Variants in ACTR3C observed in about 807,000 individuals in gnomAD.
The protein encoded by ACTR3C is actin related protein 3C.
Under a neutral mutation model 26.3 loss-of-function variants are expected in ACTR3C, and 18 were observed. That is an observed-to-expected ratio of 0.68 (90% confidence interval 0.47 to 1.01). The LOEUF is 1.01. Among genes scored for constraint, ACTR3C ranks in the 50% least tolerant of loss-of-function variants. ACTR3C has a pLI of 0.00. For synonymous variants in ACTR3C, 55 were observed against 94.5 expected (o/e 0.58, Z 2.42); for missense variants, 184 against 250.7 (o/e 0.73, Z 1.80).
At chr7:150,186,466 A>T in the ACTR3C span, among the ~76,000 whole-genome samples, 6 of 152,168 alleles carry the variant, frequency 3.9e-5, no homozygotes, top group African/African-American at 2.4e-5. Flanking sequence ...TTATAATCCA[A>T]ATGGGAACTT....
chr7:150,199,974 C>T, the ACTR3C span, among the ~76,000 whole-genome samples: 6 of 152,062 alleles, frequency 3.9e-5, no homozygotes, highest in Admixed American at 3.3e-4. Flanking sequence ...ACAAAACCAG[C>T]AAAAACTCAT....
chr7:150,286,265 A>T, intron 5 of ACTR3C, 102 bp downstream of exon 5: 1 of 1,384,042 alleles, frequency 7.2e-7, no homozygotes, highest in Non-Finnish European at 9.8e-7. Flanking sequence ...AATGACGGCC[A>T]CCCTGCTCAC....
chr7:150,072,281 G>A, the ACTR3C span, among the ~76,000 whole-genome samples: 2 of 128,762 alleles, frequency 1.6e-5, no homozygotes, highest in African/African-American at 2.8e-5. Flanking sequence ...GGGATCCCAC[G>A]GAGCAGGCCA....
chr7:149,954,667 T>G, the ACTR3C span, among the ~76,000 whole-genome samples: 1 of 152,280 alleles, frequency 6.6e-6, no homozygotes, highest in Non-Finnish European at 1.5e-5. Flanking sequence ...TTCTCGCATT[T>G]AAATTAAAAT....
At chr7:150,114,972 G>T in the ACTR3C span, among the ~76,000 whole-genome samples, 3 of 151,944 alleles carry the variant, frequency 2.0e-5, no homozygotes, top group Admixed American at 2.0e-4. Context: ...TTAGATTTTT[G>T]TTCCAGAATG....
At chr7:150,291,525 T>C (rs1270618364) in intron 3 of ACTR3C, among the ~76,000 whole-genome samples, 1 of 152,204 alleles carries the variant, frequency 6.6e-6, no homozygotes, top group Admixed American at 6.5e-5. Flanking sequence ...TTCAAATTTG[T>C]CTATTTTATC....
At chr7:150,227,688 G>GTTGTTTTT in the ACTR3C span, among the ~76,000 whole-genome samples, 1 of 111,388 alleles carries the variant, frequency 9.0e-6, no homozygotes, top group African/African-American at 3.8e-5. Flanking sequence ...TTGTGTCTGG[G>GTTGTTTTT]TTTTTTTTTT....
At chr7:150,072,789 A>G in the ACTR3C span, among the ~76,000 whole-genome samples, 5 of 152,194 alleles carry the variant, frequency 3.3e-5, no homozygotes, top group Admixed American at 2.0e-4. Flanking sequence ...TCAGTATGAT[A>G]GGTGCAGACA....
the ACTR3C span, among the ~76,000 whole-genome samples, chr7:150,119,784 C>A: frequency 2.0e-5 from 3 of 152,178 alleles, no homozygotes; most frequent in African/African-American, 7.2e-5. Flanking sequence ...AATATACATT[C>A]TTCTCAGCAC....
chr7:150,316,315 G>T (rs1226328812), intron 1 of ACTR3C, among the ~76,000 whole-genome samples: 2 of 152,190 alleles, frequency 1.3e-5, no homozygotes, highest in Non-Finnish European at 2.9e-5. Context: ...CATTAATCTG[G>T]CTGTCAATAC....
At chr7:150,193,956 T>A in the ACTR3C span, among the ~76,000 whole-genome samples, 62,781 of 143,948 alleles carry the variant, frequency 0.44, 13,483 homozygotes, top group African/African-American at 0.51. Context: ...TTTAAAAAAA[T>A]ATATATATAT....
chr7:150,215,036 T>C, the ACTR3C span, among the ~76,000 whole-genome samples: 1 of 150,126 alleles, frequency 6.7e-6, no homozygotes, highest in Admixed American at 6.6e-5. Flanking sequence ...TGCATTTCTA[T>C]TGAATCAAAA....
chr7:150,002,807 C>T, the ACTR3C span: 1 of 152,228 alleles, frequency 6.6e-6, no homozygotes, highest in African/African-American at 2.4e-5. Flanking sequence ...CAGAAAACCT[C>T]ATTCTTCTAT....
chr7:149,956,737 GC>G, the ACTR3C span, among the ~76,000 whole-genome samples: 1 of 151,728 alleles, frequency 6.6e-6, no homozygotes, highest in Non-Finnish European at 1.5e-5. Flanking sequence ...TTTGGAGTGA[GC>G]TCCTTGAGTG....
the ACTR3C span, among the ~76,000 whole-genome samples, chr7:150,204,153 A>G: frequency 2.3e-4 from 34 of 149,196 alleles, no homozygotes; most frequent in Non-Finnish European, 2.5e-4. Flanking sequence ...TCACAGAGCC[A>G]TTCGGTGTCA....
At chr7:150,256,411 T>C (rs541003707) in intron 6 of ACTR3C, among the ~76,000 whole-genome samples, 1 of 152,264 alleles carries the variant, frequency 6.6e-6, no homozygotes. Context: ...GCATTCCCTT[T>C]CTCTGCAACC....
At chr7:150,314,695 T>C (rs1796663849) in intron 1 of ACTR3C, among the ~76,000 whole-genome samples, 1 of 149,936 alleles carries the variant, frequency 6.7e-6, no homozygotes, top group African/African-American at 2.5e-5. Flanking sequence ...GTAATCCCAG[T>C]ACTTGGGAAG....
the ACTR3C span, among the ~76,000 whole-genome samples, chr7:149,913,547 A>C: frequency 6.6e-6 from 1 of 152,118 alleles, no homozygotes; most frequent in Non-Finnish European, 1.5e-5. Context: ...TCAAGGAAGA[A>C]TAAGCCACAT....
At chr7:149,932,858 A>G in the ACTR3C span, among the ~76,000 whole-genome samples, 1 of 151,318 alleles carries the variant, frequency 6.6e-6, no homozygotes, top group African/African-American at 2.4e-5. Context: ...GAACCTGAGC[A>G]GAGGCCAGAC....
Sources: gnomAD v4.1 joint callset for allele counts (sites outside exome capture counted in the v4.1 genomes callset) on GRCh38, gnomAD v4.1.1 for gene constraint, MANE v1.5 for transcripts, NCBI Gene and HGNC (gene_info 2026-07-23, HGNC 2026-07-21) for gene names.